AKT3: variants seen among roughly 807,000 people sequenced by gnomAD.
AKT3 encodes the protein RAC-gamma serine/threonine-protein kinase.
A neutral mutation model predicts 65.3 loss-of-function variants in AKT3; 15 were observed. The ratio of observed to expected loss-of-function variants is 0.23; its 90% CI spans 0.15 to 0.35. AKT3 has a LOEUF of 0.35. AKT3 is among the 10% of genes least tolerant of loss of function. The pLI is 1.00. For synonymous variants in AKT3, 206 were observed against 183.8 expected, an observed-to-expected ratio of 1.12 and a Z score of -0.98; for missense variants, 243 against 576.5, an observed-to-expected ratio of 0.42 and a Z score of 5.92.
chr1:243,684,486 C>T (rs1684147291), intron 3 of AKT3, among the ~76,000 whole-genome samples: 1 of 152,128 alleles, frequency 6.6e-6, no homozygotes, highest in African/African-American at 2.4e-5. Flanking sequence ...AGGACATGAA[C>T]TCATCCTTTC....
At chr1:243,682,862 AAGC>A (rs1299129190) in intron 3 of AKT3, among the ~76,000 whole-genome samples, 1 of 152,154 alleles carries the variant, frequency 6.6e-6, no homozygotes, top group Non-Finnish European at 1.5e-5. Flanking sequence ...ATGTCCAAAG[AAGC>A]TTTTCTTGAT....
At chr1:243,522,062 G>A (rs181932433) in intron 12 of AKT3, among the ~76,000 whole-genome samples, 33 of 152,266 alleles carry the variant, frequency 2.2e-4, no homozygotes, top group Admixed American at 2.6e-4. Flanking sequence ...GTGAAACACT[G>A]GGAGCCTTTT....
chr1:243,757,910 G>A (rs1029013061), intron 2 of AKT3, among the ~76,000 whole-genome samples: 3 of 151,878 alleles, frequency 2.0e-5, no homozygotes, highest in East Asian at 1.9e-4. Flanking sequence ...ACAGGTACAC[G>A]CCACCACATC....
chr1:243,495,940 G>C (rs190091296), downstream of AKT3, among the ~76,000 whole-genome samples: 7 of 152,248 alleles, frequency 4.6e-5, no homozygotes, highest in African/African-American at 1.2e-4. Context: ...GCCTGGATTC[G>C]AATCTCAGCT....
intron 2 of AKT3, among the ~76,000 whole-genome samples, chr1:243,822,756 CA>C (rs1291888297): frequency 6.6e-6 from 1 of 151,912 alleles, no homozygotes; most frequent in Non-Finnish European, 1.5e-5. Context: ...AGGAATAGAC[CA>C]ATACAGGTTC....
intron 9 of AKT3, among the ~76,000 whole-genome samples, chr1:243,566,646 T>G (rs1488921552): frequency 2.0e-5 from 3 of 152,172 alleles, no homozygotes; most frequent in Non-Finnish European, 4.4e-5. Context: ...TATCCCTTAT[T>G]CACTGTGTGA....
At chr1:243,646,491 A>G (rs1680828320) in intron 4 of AKT3, among the ~76,000 whole-genome samples, 1 of 151,838 alleles carries the variant, frequency 6.6e-6, no homozygotes, top group Non-Finnish European at 1.5e-5. Context: ...AGTAGCCGGG[A>G]TTACAGGCGT....
At chr1:243,600,443 G>C (rs1423948011) in intron 8 of AKT3, among the ~76,000 whole-genome samples, 1 of 152,118 alleles carries the variant, frequency 6.6e-6, no homozygotes, top group East Asian at 1.9e-4. Context: ...TGAAGACAGT[G>C]TGGTATAGGT....
intron 13 of AKT3, among the ~76,000 whole-genome samples, chr1:243,494,160 A>G (rs1667244293): frequency 6.6e-6 from 1 of 152,218 alleles, no homozygotes. Context: ...CTGAACCAAG[A>G]TTTTTTGGAA....
intron 5 of AKT3, among the ~76,000 whole-genome samples, chr1:243,639,409 GT>G (rs1680211229): frequency 6.6e-6 from 1 of 152,140 alleles, no homozygotes; most frequent in African/African-American, 2.4e-5. Context: ...TGAGATAGGA[GT>G]TTGGCAGGTC....
At chr1:243,817,854 G>GA (rs1693621839) in intron 2 of AKT3, among the ~76,000 whole-genome samples, 2 of 152,124 alleles carry the variant, frequency 1.3e-5, no homozygotes, top group Non-Finnish European at 2.9e-5. Context: ...TTACTTACTT[G>GA]AAAAAATATT....
At chr1:243,847,840 TA>T (rs1388447116) in intron 1 of AKT3, among the ~76,000 whole-genome samples, 3 of 152,158 alleles carry the variant, frequency 2.0e-5, no homozygotes, top group African/African-American at 7.2e-5. Context: ...AATTAATTTT[TA>T]AAAAGTCCAA....
At chr1:243,677,281 C>T (rs1683588579) in intron 3 of AKT3, among the ~76,000 whole-genome samples, 1 of 152,158 alleles carries the variant, frequency 6.6e-6, no homozygotes, top group Non-Finnish European at 1.5e-5. Flanking sequence ...AGATCTACTA[C>T]ACTTATTTGT....
chr1:243,567,913 C>A (rs1470269409), intron 9 of AKT3, among the ~76,000 whole-genome samples: 1 of 152,084 alleles, frequency 6.6e-6, no homozygotes, highest in Non-Finnish European at 1.5e-5. Context: ...GATTCGTAAA[C>A]CTGCAGAATG....
chr1:243,711,282 C>A (rs1215606899), intron 2 of AKT3, among the ~76,000 whole-genome samples: 1 of 152,106 alleles, frequency 6.6e-6, no homozygotes, highest in Non-Finnish European at 1.5e-5. Flanking sequence ...GAGCTCAGAC[C>A]ATGCCATTGC....
intron 9 of AKT3, among the ~76,000 whole-genome samples, chr1:243,569,635 C>T (rs554184444): frequency 6.6e-6 from 1 of 152,168 alleles, no homozygotes; most frequent in East Asian, 1.9e-4. Context: ...TTATTTGGTG[C>T]TTTCTCATAT....
intron 2 of AKT3, among the ~76,000 whole-genome samples, chr1:243,786,204 G>C (rs963014144): frequency 2.8e-4 from 42 of 152,136 alleles, no homozygotes; most frequent in African/African-American, 9.7e-4. Flanking sequence ...ATCAAAAAGA[G>C]GTATTCAAGC....
intron 2 of AKT3, among the ~76,000 whole-genome samples, chr1:243,812,743 C>T (rs185012316): frequency 6.6e-6 from 1 of 152,136 alleles, no homozygotes; most frequent in Non-Finnish European, 1.5e-5. Context: ...CGACACTATT[C>T]ACAATAGCAA....
intron 2 of AKT3, among the ~76,000 whole-genome samples, chr1:243,749,344 T>C (rs976182496): frequency 2.0e-5 from 3 of 152,120 alleles, no homozygotes; most frequent in African/African-American, 7.2e-5. Context: ...ATCATGATTG[T>C]TTTCTAAAGG....
Sources: gnomAD v4.1 joint callset for allele counts (sites outside exome capture counted in the v4.1 genomes callset) on GRCh38, gnomAD v4.1.1 for gene constraint, MANE v1.5 for transcripts, NCBI Gene and HGNC (gene_info 2026-07-23, HGNC 2026-07-21) for gene names.